CNRIP1: variants seen among roughly 807,000 people sequenced by gnomAD.
CNRIP1 encodes the protein CB1 cannabinoid receptor-interacting protein 1.
CNRIP1 carries 10 observed loss-of-function variants against 15.2 expected under a neutral mutation model. That is an observed-to-expected ratio of 0.66 (90% CI 0.41 to 1.12). CNRIP1 has a LOEUF of 1.12. Ranked by LOEUF, CNRIP1 falls within the 50% of genes most tolerant of loss-of-function variation. The pLI, the probability that CNRIP1 is intolerant of heterozygous loss-of-function variation, is 0.00. For missense variants in CNRIP1, 211 were observed against 214.7 expected (o/e 0.98, Z 0.11); for synonymous variants, 91 against 83.2 (o/e 1.09, Z -0.51).
chr2:68,303,676 C>A (rs1671702987), intron 2 of CNRIP1, among the ~76,000 whole-genome samples: 1 of 152,194 alleles, frequency 6.6e-6, no homozygotes, highest in South Asian at 2.1e-4. Flanking sequence ...ATAGCTGAAG[C>A]ACAGGGTCTT....
chr2:68,296,599 CTGA>C (rs150556237), intron 2 of CNRIP1, among the ~76,000 whole-genome samples: 15,006 of 147,830 alleles, frequency 0.1, 1,179 homozygotes, highest in African/African-American at 0.22. Context: ...GTTAGAAATC[CTGA>C]TGGACTGTTT....
At chr2:68,305,634 A>C (rs1032731670) in intron 2 of CNRIP1, among the ~76,000 whole-genome samples, 2 of 151,668 alleles carry the variant, frequency 1.3e-5, no homozygotes, top group Non-Finnish European at 2.9e-5. Flanking sequence ...TCTCTACTAA[A>C]AATACAAAAG....
At chr2:68,306,124 CAAAA>C (rs61586261) in intron 2 of CNRIP1, among the ~76,000 whole-genome samples, 258 of 25,314 alleles carry the variant, frequency 0.01, no homozygotes, top group African/African-American at 0.032. Flanking sequence ...CCCACCTCTA[CAAAA>C]AAAAAAAAAA....
chr2:68,293,438 A>G lies in CNRIP1; in HGVS notation c.*424T>C, dbSNP rs558943459. The G allele has an allele frequency of 2.0e-6, 2 of 988,958 alleles. No homozygotes were observed. Among genetic ancestry groups the G allele is most frequent in the Admixed American group, 5.9e-5 (1 of 16,946 alleles). The allele number at this position is 988,958 out of a possible 1,614,324, so 61.3% of individuals were successfully genotyped here. A position where few individuals can be genotyped will look rare whatever the true frequency, so the allele number is the denominator to read the frequency against. Reference sequence around the variant, plus strand: ...CAAGTTACATGTTACCATATTACACATGGGAGGACCCATACACATTGTTAT... The same window carrying G: ...CAAGTTACATGTTACCATATTACACGTGGGAGGACCCATACACATTGTTAT... On this transcript the variant is annotated 3_prime_UTR_variant, in exon 3 of 3. Transcript: ENST00000263655.
chr2:68,317,281 A>G lies in CNRIP1; in HGVS notation c.206T>C (p.Val69Ala), dbSNP rs1346649154. The G allele has an allele frequency of 1.2e-6, 2 of 1,614,004 alleles. No individual in the cohort carries two copies. The highest frequency in any genetic ancestry group is 1.7e-6 in the Non-Finnish European group (2 of 1,180,036). ...VENISIGGVL[V>A]PLELKSKEPD... ...CTCTTTAGACTTCAGTTCCAGTGGGACAAGCACACCACCAATGGAAATATT... is the reference window on the plus strand; with the variant it reads ...CTCTTTAGACTTCAGTTCCAGTGGGGCAAGCACACCACCAATGGAAATATT... The change falls in exon 2 of 3, where the codon GTC becomes GCC. Residue 69 changes from valine (V) to alanine (A), a missense_variant. Val to Ala is a moderately conservative substitution (Grantham distance 64). Transcript: ENST00000263655.
At position 68,293,151 on chromosome 2, in the gene CNRIP1, C is replaced by A; in HGVS notation, c.*711G>T. 2.0e-6 allele frequency: 2 copies of A among 985,470 alleles called. No homozygotes were observed. Among genetic ancestry groups the A allele is most frequent in the Non-Finnish European group, 2.4e-6 (2 of 829,956 alleles). 61.0% of individuals were successfully genotyped at this position (985,470 alleles called of 1,614,324 possible). ...CTATGGAAGCTTGTCAAAGGGGTAA[C>A]CCTACAACTCCTGTCACTTTAACAA... On this transcript the variant is annotated 3_prime_UTR_variant, in exon 3 of 3. Transcript: ENST00000263655.
intron 1 of CNRIP1, among the ~76,000 whole-genome samples, chr2:68,318,710 A>T (rs2103699986): frequency 6.6e-6 from 1 of 152,286 alleles, no homozygotes; most frequent in South Asian, 2.1e-4. Flanking sequence ...TGGCGAAGGG[A>T]GTGGGGAGCA....
chr2:68,308,234 C>CAAAAAAAAA (rs58544763), intron 2 of CNRIP1, among the ~76,000 whole-genome samples: 2 of 151,716 alleles, frequency 1.3e-5, no homozygotes, highest in African/African-American at 2.4e-5. Context: ...ACAAAAAAAA[C>CAAAAAAAAA]CCCCGATGTC....
At chr2:68,291,195 T>C (rs908841355), downstream of CNRIP1, among the ~76,000 whole-genome samples, 6 of 152,132 alleles carry the variant, frequency 3.9e-5, no homozygotes, top group Non-Finnish European at 8.8e-5. Context: ...TGTTACTTCA[T>C]CTCCATCTCC....
At chr2:68,290,962 G>C (rs1279347051), downstream of CNRIP1, among the ~76,000 whole-genome samples, 2 of 152,188 alleles carry the variant, frequency 1.3e-5, no homozygotes, top group Admixed American at 1.3e-4. Context: ...GATGCTTGGA[G>C]GTAGAGAGAC....
intron 2 of CNRIP1, among the ~76,000 whole-genome samples, chr2:68,309,127 T>A (rs1343981353): frequency 6.6e-6 from 1 of 152,224 alleles, no homozygotes; most frequent in Non-Finnish European, 1.5e-5. Context: ...CAAACTTTCA[T>A]AACCTTTGAA....
At chr2:68,286,936 A>G (rs536420720) in intron 2 of CNRIP1, among the ~76,000 whole-genome samples, 19 of 152,334 alleles carry the variant, frequency 1.2e-4, no homozygotes, top group Middle Eastern at 6.8e-3. Context: ...GATCATATAT[A>G]TAAAATGTCT....
chr2:68,291,878 C>CAAAAAA (rs527648471), downstream of CNRIP1, among the ~76,000 whole-genome samples: 2 of 85,056 alleles, frequency 2.4e-5, no homozygotes, highest in Non-Finnish European at 2.3e-5. Flanking sequence ...GACTCCATCT[C>CAAAAAA]AAAAAAAAAA....
chr2:68,286,222 G>C (rs922344730), intron 2 of CNRIP1, among the ~76,000 whole-genome samples: 4 of 151,918 alleles, frequency 2.6e-5, no homozygotes, highest in African/African-American at 7.3e-5. Context: ...TTAGCTTGTA[G>C]CCATGAAAAT....
At chr2:68,311,700 G>C (rs1055405246) in intron 2 of CNRIP1, among the ~76,000 whole-genome samples, 2 of 150,266 alleles carry the variant, frequency 1.3e-5, no homozygotes, top group Non-Finnish European at 3.0e-5. Context: ...GCCTGAATCT[G>C]GGAGGCAGAA....
intron 2 of CNRIP1, among the ~76,000 whole-genome samples, chr2:68,313,865 AC>A (rs1374170191): frequency 6.6e-6 from 1 of 151,974 alleles, no homozygotes; most frequent in African/African-American, 2.4e-5. Context: ...ATATCATCCA[AC>A]CCCTACTTAC....
chr2:68,287,067 TA>T (rs1352498708), intron 2 of CNRIP1, among the ~76,000 whole-genome samples: 1 of 152,220 alleles, frequency 6.6e-6, no homozygotes, highest in African/African-American at 2.4e-5. Flanking sequence ...TCTTATTTTT[TA>T]AGACCATGGA....
At position 68,307,563 on chromosome 2, in the gene CNRIP1, C is replaced by T. The variant is rs552186130; in HGVS notation, c.330+9594G>A. Reference sequence around the variant, plus strand: ...CTAGTCTTGAACTCCTGCCCACATGCGATCCTCTTGCCTTGTCCTCCCAAA... The same window carrying T: ...CTAGTCTTGAACTCCTGCCCACATGTGATCCTCTTGCCTTGTCCTCCCAAA... On this transcript the variant is annotated intron_variant, in intron 2 of 2. Coordinates refer to ENST00000263655, the MANE Select transcript of CNRIP1 (RefSeq NM_015463.3). Among the ~76,000 whole-genome samples the T allele has an allele frequency of 4.6e-5, 7 of 152,192 alleles. No homozygotes were observed. In the East Asian group the frequency reaches 7.7e-4, roughly 17 times the overall value.
In CNRIP1 at chr2:68,319,582, C is replaced by A. The variant is rs1672421191; in HGVS notation, c.-182G>T. The A allele has an allele frequency of 1.7e-6, 1 of 574,754 alleles. No individual in the cohort carries two copies. The allele number at this position is 574,754 out of a possible 1,614,324, so 35.6% of individuals were successfully genotyped here. A position where few individuals can be genotyped will look rare whatever the true frequency, so the allele number is the denominator to read the frequency against. On this transcript the variant is annotated 5_prime_UTR_variant, in exon 1 of 3. Coordinates refer to ENST00000263655, the MANE Select transcript of CNRIP1 (RefSeq NM_015463.3). The stretch of plus-strand genomic sequence containing the variant: ...GTCCGCCCGGGCTTTTGAGGAGCAG[C>A]TCCTTAGGCTGTGGCCCCCCTCCCC...
Sources: gnomAD v4.1 joint callset for allele counts (sites outside exome capture counted in the v4.1 genomes callset) on GRCh38, gnomAD v4.1.1 for gene constraint, MANE v1.5 for transcripts, NCBI Gene and HGNC (gene_info 2026-07-23, HGNC 2026-07-21) for gene names.